The following CNBD1 variants were observed in gnomAD, a reference collection of about 807,000 sequenced individuals.
CNBD1 encodes the protein cyclic nucleotide-binding domain-containing protein 1.
Under a neutral mutation model 54.4 loss-of-function variants are expected in CNBD1, and 71 were observed. The ratio of observed to expected loss-of-function variants is 1.30; its 90% CI spans 1.08 to 1.59. The LOEUF is 1.59. Ranked by LOEUF, CNBD1 falls within the 40% of genes most tolerant of loss-of-function variation. CNBD1 has a pLI of 0.00. For missense variants in CNBD1, 659 were observed against 518.0 expected (o/e 1.27, Z -2.64); for synonymous variants, 182 against 170.7 (o/e 1.07, Z -0.51).
At chr8:86,881,007 G>C (rs1808598888) in intron 1 of CNBD1, among the ~76,000 whole-genome samples, 1 of 152,078 alleles carries the variant, frequency 6.6e-6, no homozygotes, top group Non-Finnish European at 1.5e-5. Context: ...CAATAAACTA[G>C]ATGTTGAAGG....
chr8:87,305,116 C>G (rs573985067), intron 8 of CNBD1, among the ~76,000 whole-genome samples: 10 of 152,098 alleles, frequency 6.6e-5, no homozygotes, highest in Non-Finnish European at 1.2e-4. Context: ...CCAACAATGA[C>G]TAAGTGAAGA....
At chr8:87,325,655 G>C (rs1005860893) in intron 8 of CNBD1, among the ~76,000 whole-genome samples, 4 of 136,862 alleles carry the variant, frequency 2.9e-5, no homozygotes, top group South Asian at 2.3e-4. Context: ...CCATTTGCTT[G>C]GTAGATCTTC....
rs1216108367 is a variant in CNBD1, at chr8:86,908,784, CT to C, written c.272+3607del. 4.5e-4 allele frequency among the ~76,000 whole-genome samples: 32 copies of C among 70,850 alleles called. No homozygotes were observed. The South Asian group carries it at 0.011, about 25-fold the overall frequency. The allele number at this position is 70,850 out of a possible 152,430, so 46.5% of individuals were successfully genotyped here. ...TGTTGTGATTATCATCATAAGAATT[CT>C]TTTTTTTTTTTTTTTTGTGCTGAGG... On this transcript the variant is annotated intron_variant, in intron 3 of 10. Transcript: ENST00000518476.
rs184493086 is a variant in CNBD1 at position 87,081,625 on chromosome 8, C to G, written c.432-124368C>G. On this transcript the variant is annotated intron_variant, in intron 4 of 10. Transcript: ENST00000518476. ...GGTTCAAGCGATTCTCCTGCCGCAG[C>G]CTCCTGAGTAGCTGGGATAACAGGC... Among the ~76,000 whole-genome samples the G allele has an allele frequency of 1.6e-4, 25 of 151,760 alleles. No homozygotes were observed. In the East Asian group the frequency reaches 3.7e-3, roughly 22 times the overall value.
chr8:87,284,857 A>G (rs1358445028), intron 7 of CNBD1, 42 bp downstream of exon 7: 1 of 1,410,456 alleles, frequency 7.1e-7, no homozygotes. Flanking sequence ...AAAATTGGGC[A>G]TAAACTCAAG....
intron 4 of CNBD1, among the ~76,000 whole-genome samples, chr8:87,076,904 C>T (rs921937814): frequency 2.0e-5 from 3 of 152,178 alleles, no homozygotes; most frequent in Admixed American, 6.5e-5. Context: ...TTATCCAAGA[C>T]TGTCTTGCAT....
intron 4 of CNBD1, among the ~76,000 whole-genome samples, chr8:87,198,906 G>A (rs779311364): frequency 1.6e-4 from 25 of 152,162 alleles, no homozygotes; most frequent in Non-Finnish European, 3.4e-4. Flanking sequence ...AGCCTGGTGC[G>A]GGCATCTGCT....
chr8:87,138,062 C>A (rs1026148349), intron 4 of CNBD1, among the ~76,000 whole-genome samples: 8 of 152,108 alleles, frequency 5.3e-5, no homozygotes, highest in East Asian at 1.9e-4. Context: ...AATGTCAATT[C>A]TTTTCCCTGA....
At chr8:87,074,055 C>T (rs375606795) in intron 4 of CNBD1, among the ~76,000 whole-genome samples, 12 of 149,570 alleles carry the variant, frequency 8.0e-5, no homozygotes, top group East Asian at 7.9e-4. Flanking sequence ...GAGCCGAGAT[C>T]GCGCCACTGC....
chr8:86,889,668 CAA>C (rs751822372), intron 2 of CNBD1, among the ~76,000 whole-genome samples: 28 of 152,064 alleles, frequency 1.8e-4, no homozygotes, highest in South Asian at 8.3e-4. Context: ...AAATTAATAA[CAA>C]AGGGGGGATG....
chr8:87,380,872 G>A (rs747341997), intron 10 of CNBD1, among the ~76,000 whole-genome samples: 4 of 151,980 alleles, frequency 2.6e-5, no homozygotes, highest in Middle Eastern at 3.2e-3. Flanking sequence ...CCCTTACCTT[G>A]CACTGTACTT....
intron 2 of CNBD1, among the ~76,000 whole-genome samples, chr8:87,412,389 T>C (rs946680313): frequency 3.3e-5 from 5 of 152,132 alleles, no homozygotes; most frequent in Admixed American, 1.3e-4. Context: ...GGTTACTCGA[T>C]ATGACCAGGA....
intron 5 of CNBD1, among the ~76,000 whole-genome samples, chr8:87,214,705 A>G (rs1269250016): frequency 1.3e-5 from 2 of 152,222 alleles, no homozygotes; most frequent in Non-Finnish European, 2.9e-5. Context: ...AGGCCTCACA[A>G]TCATGGCAGA....
At chr8:87,009,693 T>C (rs1809175324) in intron 4 of CNBD1, among the ~76,000 whole-genome samples, 1 of 152,204 alleles carries the variant, frequency 6.6e-6, no homozygotes, top group Admixed American at 6.6e-5. Context: ...CATTTCCTCC[T>C]GCATTTCTAT....
chr8:87,073,631 T>C (rs1242436951), intron 4 of CNBD1, among the ~76,000 whole-genome samples: 1 of 152,134 alleles, frequency 6.6e-6, no homozygotes, highest in Non-Finnish European at 1.5e-5. Flanking sequence ...TACCCGGATG[T>C]ATCACTAGTG....
chr8:87,428,107 T>A (rs1808079900), intron 2 of CNBD1, among the ~76,000 whole-genome samples: 1 of 147,928 alleles, frequency 6.8e-6, no homozygotes, highest in African/African-American at 2.5e-5. Context: ...CATGCCTATA[T>A]CTTAGGAGCA....
At chr8:87,329,824 A>T (rs1289974299) in intron 8 of CNBD1, among the ~76,000 whole-genome samples, 1 of 151,952 alleles carries the variant, frequency 6.6e-6, no homozygotes, top group Non-Finnish European at 1.5e-5. Flanking sequence ...TTCTATATAG[A>T]TGATTATGTC....
intron 4 of CNBD1, among the ~76,000 whole-genome samples, chr8:87,167,287 G>A (rs1366567233): frequency 2.0e-5 from 3 of 151,732 alleles, no homozygotes; most frequent in African/African-American, 7.3e-5. Context: ...TTAGTATATC[G>A]AACACCTCAA....
chr8:87,214,750 A>C (rs1478951353), intron 5 of CNBD1, among the ~76,000 whole-genome samples: 1 of 152,212 alleles, frequency 6.6e-6, no homozygotes, highest in African/African-American at 2.4e-5. Context: ...CACACATGGC[A>C]GCAGGCAACA....
Sources: gnomAD v4.1 joint callset for allele counts (sites outside exome capture counted in the v4.1 genomes callset) on GRCh38, gnomAD v4.1.1 for gene constraint, MANE v1.5 for transcripts, NCBI Gene and HGNC (gene_info 2026-07-23, HGNC 2026-07-21) for gene names.